Variants in BMPER observed in about 807,000 individuals in gnomAD.
The protein encoded by BMPER is BMP-binding endothelial regulator protein.
BMPER carries 45 observed loss-of-function variants against 87.3 expected under a neutral mutation model. That is an observed-to-expected ratio of 0.52 (90% confidence interval 0.41 to 0.66). BMPER has a LOEUF of 0.66. Among genes scored for constraint, BMPER ranks in the 30% least tolerant of loss-of-function variants. The probability of loss-of-function intolerance (pLI) is 0.00; values close to 1 mark genes in which losing one functional copy is unlikely to be tolerated. For synonymous variants in BMPER, 326 were observed against 316.2 expected (o/e 1.03, Z -0.33); for missense variants, 784 against 867.5 (o/e 0.90, Z 1.21).
intron 1 of BMPER, 22 bp from the exon 2 acceptor site, chr7:33,906,796 A>T (rs1562622291): frequency 6.2e-7 from 1 of 1,600,188 alleles, no homozygotes; most frequent in Non-Finnish European, 8.6e-7. Context: ...TAAATGAAAC[A>T]TTTTTCCCCC....
intron 5 of BMPER, among the ~76,000 whole-genome samples, chr7:33,971,317 G>A (rs1785540342): frequency 6.6e-6 from 1 of 151,984 alleles, no homozygotes; most frequent in African/African-American, 2.4e-5. Context: ...AGTCTCAAAG[G>A]CATGGTCCCT....
At chr7:33,937,840 T>G (rs1258646112) in intron 3 of BMPER, among the ~76,000 whole-genome samples, 2 of 152,140 alleles carry the variant, frequency 1.3e-5, no homozygotes, top group African/African-American at 4.8e-5. Flanking sequence ...AATTTTCCTT[T>G]CCTTCCAAAT....
chr7:33,941,114 A>C (rs927101277), intron 3 of BMPER, among the ~76,000 whole-genome samples: 1 of 136,872 alleles, frequency 7.3e-6, no homozygotes, highest in African/African-American at 2.7e-5. Context: ...TATTACATAT[A>C]ATTTATATAT....
At chr7:34,065,199 A>ACTCTCTCTCTCTCTCTCTCTCT (rs372015069) in intron 11 of BMPER, among the ~76,000 whole-genome samples, 31 of 94,150 alleles carry the variant, frequency 3.3e-4, no homozygotes, top group South Asian at 4.1e-4. Flanking sequence ...ACACATACAC[A>ACTCTCTCTCTCTCTCTCTCTCT]CTCACTCTCT....
intron 6 of BMPER, among the ~76,000 whole-genome samples, chr7:33,986,669 G>A (rs1053000216): frequency 2.0e-5 from 3 of 152,118 alleles, no homozygotes; most frequent in African/African-American, 2.4e-5. Flanking sequence ...AGGATGGAAC[G>A]GGGGGTGAGC....
rs35506917 is a variant in BMPER, at chr7:34,112,496, GAAAAAAAAAAAAAA to G, written c.1745+26418_1745+26431del. On this transcript the variant is annotated intron_variant, in intron 13 of 14. Transcript: ENST00000649409. ...GGCGACGGAGCGAGACTCCGTCTCA[GAAAAAAAAAAAAAA>G]AAAAAAAAAAAAAGACTGAAGAAAG... 1.6e-4 allele frequency among the ~76,000 whole-genome samples: 3 copies of G among 18,816 alleles called. No individual in the cohort carries two copies. The South Asian group carries it at 8.4e-3, about 53-fold the overall frequency. 12.3% of individuals were successfully genotyped at this position (18,816 alleles called of 152,430 possible). A position where few individuals can be genotyped will look rare whatever the true frequency, so the allele number is the denominator to read the frequency against.
chr7:34,053,460 G>A (rs1392543394), intron 8 of BMPER, among the ~76,000 whole-genome samples: 1 of 152,090 alleles, frequency 6.6e-6, no homozygotes, highest in African/African-American at 2.4e-5. Context: ...CTGTACCGTT[G>A]AAAATCCATG....
chr7:34,010,141 GATGTCTT>G (rs1406886200), intron 6 of BMPER, among the ~76,000 whole-genome samples: 29 of 151,918 alleles, frequency 1.9e-4, no homozygotes, highest in African/African-American at 6.7e-4. Context: ...CAGAACATGG[GATGTCTT>G]ATGTTTCAAG....
intron 6 of BMPER, among the ~76,000 whole-genome samples, chr7:34,010,426 G>C (rs1786847306): frequency 6.6e-6 from 1 of 151,816 alleles, no homozygotes. Context: ...ATGATATTTA[G>C]GGAACATTGC....
At chr7:33,988,622 T>G (rs1304793543) in intron 6 of BMPER, among the ~76,000 whole-genome samples, 1 of 152,164 alleles carries the variant, frequency 6.6e-6, no homozygotes, top group East Asian at 1.9e-4. Flanking sequence ...TTTAATTATT[T>G]TTTTAATTAT....
At chr7:34,152,395 T>C (rs1244949931) in intron 14 of BMPER, among the ~76,000 whole-genome samples, 3 of 152,156 alleles carry the variant, frequency 2.0e-5, no homozygotes, top group Non-Finnish European at 4.4e-5. Flanking sequence ...TTCTGACAAG[T>C]CTAGTCATGA....
chr7:34,139,736 C>T (rs1790814311), intron 13 of BMPER, among the ~76,000 whole-genome samples: 1 of 152,100 alleles, frequency 6.6e-6, no homozygotes, highest in Admixed American at 6.6e-5. Flanking sequence ...TTAATCCTTC[C>T]CAAACATTTC....
At chr7:34,146,769 G>A (rs1583481661) in intron 14 of BMPER, among the ~76,000 whole-genome samples, 1 of 152,160 alleles carries the variant, frequency 6.6e-6, no homozygotes, top group Admixed American at 6.5e-5. Context: ...TAATCATTAT[G>A]AGAACACAGA....
At chr7:33,975,616 A>G (rs997576377) in intron 6 of BMPER, among the ~76,000 whole-genome samples, 3 of 152,192 alleles carry the variant, frequency 2.0e-5, no homozygotes, top group Non-Finnish European at 4.4e-5. Flanking sequence ...GCTCCAAGTC[A>G]TTTACAGTAG....
intron 2 of BMPER, among the ~76,000 whole-genome samples, chr7:33,908,064 C>T (rs546793179): frequency 7.2e-5 from 11 of 152,036 alleles, no homozygotes; most frequent in Non-Finnish European, 1.5e-4. Flanking sequence ...TAAAACAGAG[C>T]TGAGAGAGGG....
intron 6 of BMPER, among the ~76,000 whole-genome samples, chr7:33,981,439 G>A (rs1253744789): frequency 3.3e-5 from 5 of 152,140 alleles, no homozygotes; most frequent in Admixed American, 2.6e-4. Context: ...AGGGAAGCTT[G>A]TTCTGATTCC....
intron 3 of BMPER, among the ~76,000 whole-genome samples, chr7:33,940,884 A>G (rs1284486059): frequency 2.8e-5 from 4 of 140,998 alleles, no homozygotes; most frequent in African/African-American, 1.0e-4. Flanking sequence ...ATATATTTAT[A>G]TATAATAGAA....
chr7:33,946,450 A>G (rs2128612066), intron 3 of BMPER, among the ~76,000 whole-genome samples: 1 of 152,332 alleles, frequency 6.6e-6, no homozygotes, highest in South Asian at 2.1e-4. Context: ...AGGTAATCAC[A>G]TTCAAAAAGG....
chr7:33,941,123 A>G (rs1384300572), intron 3 of BMPER, among the ~76,000 whole-genome samples: 3 of 137,568 alleles, frequency 2.2e-5, no homozygotes, highest in East Asian at 2.0e-4. Context: ...TAATTTATAT[A>G]TTATATATTT....
Sources: gnomAD v4.1 joint callset for allele counts (sites outside exome capture counted in the v4.1 genomes callset) on GRCh38, gnomAD v4.1.1 for gene constraint, MANE v1.5 for transcripts, NCBI Gene and HGNC (gene_info 2026-07-23, HGNC 2026-07-21) for gene names.